Variants in UVRAG observed in about 807,000 individuals in gnomAD.
The protein encoded by UVRAG is UV radiation resistance associated.
A neutral mutation model predicts 78.0 loss-of-function variants in UVRAG; 19 were observed. The observed-to-expected ratio is 0.24, with a 90% CI of 0.17 to 0.36. The LOEUF (loss-of-function observed/expected upper bound fraction) is 0.36, where lower values mean the gene tolerates loss of function less well. Among genes scored for constraint, UVRAG ranks in the 10% least tolerant of loss-of-function variants. The pLI, the probability that UVRAG is intolerant of heterozygous loss-of-function variation, is 1.00. For missense variants in UVRAG, 740 were observed against 853.8 expected, an observed-to-expected ratio of 0.87 and a Z score of 1.66; for synonymous variants, 323 against 324.6, an observed-to-expected ratio of 1.00 and a Z score of 0.05.
chr11:76,115,764 C>T lies in UVRAG; in HGVS notation c.1306-160C>T, dbSNP rs553173534. The T allele has an allele frequency of 6.2e-4, 390 of 629,524 alleles. 5 individuals carry two copies. The South Asian group carries it at 7.2e-3, about 12-fold the overall frequency. 39.0% of individuals were successfully genotyped at this position (629,524 alleles called of 1,614,324 possible). A position where few individuals can be genotyped will look rare whatever the true frequency, so the allele number is the denominator to read the frequency against. ...CTCATACACGTGCTTATCTATATGT[C>T]AAATACCCAGTAAGTGGAAAGTACT... On this transcript the variant is annotated intron_variant, in intron 13 of 14. Coordinates refer to ENST00000356136, the MANE Select transcript of UVRAG (RefSeq NM_003369.4).
chr11:76,039,761 G>A (rs1256659219), intron 12 of UVRAG, among the ~76,000 whole-genome samples: 2 of 152,196 alleles, frequency 1.3e-5, no homozygotes, highest in African/African-American at 4.8e-5. Context: ...TGTAGTCCCA[G>A]CTACTTGGGA....
chr11:76,095,445 T>TA (rs1389720711), intron 13 of UVRAG, among the ~76,000 whole-genome samples: 2 of 151,934 alleles, frequency 1.3e-5, no homozygotes, highest in African/African-American at 2.4e-5. Context: ...ATTAAGCCAT[T>TA]AAAAAAGCAT....
intron 13 of UVRAG, among the ~76,000 whole-genome samples, chr11:76,098,490 T>C (rs1198677062): frequency 6.6e-6 from 1 of 152,196 alleles, no homozygotes; most frequent in Non-Finnish European, 1.5e-5. Context: ...TACCATCTCA[T>C]ATATTTTAAA....
At chr11:75,886,966 AT>A in intron 4 of UVRAG, among the ~76,000 whole-genome samples, 1 of 145,644 alleles carries the variant, frequency 6.9e-6, no homozygotes, top group African/African-American at 2.6e-5. Flanking sequence ...GAGTTCCTTA[AT>A]TTTGTTTTTT....
At chr11:75,994,529 TC>T (rs1218105141) in intron 8 of UVRAG, among the ~76,000 whole-genome samples, 1 of 152,198 alleles carries the variant, frequency 6.6e-6, no homozygotes, top group East Asian at 1.9e-4. Flanking sequence ...CCCACATAAA[TC>T]ACATGAAGTA....
chr11:75,887,219 C>T (rs1166105809), intron 4 of UVRAG, among the ~76,000 whole-genome samples: 2 of 152,094 alleles, frequency 1.3e-5, no homozygotes, highest in African/African-American at 4.8e-5. Flanking sequence ...GCTCTCGGCT[C>T]ACTGCAACTT....
In UVRAG at chr11:75,909,832, G is replaced by A. The variant is rs138715854; in HGVS notation, c.508-2122G>A. 6.6e-5 allele frequency among the ~76,000 whole-genome samples: 10 copies of A among 152,180 alleles called. No individual in the cohort carries two copies. The East Asian group carries it at 1.3e-3, about 21-fold the overall frequency. On this transcript the variant is annotated intron_variant, in intron 5 of 14. Transcript: ENST00000356136. ...GCTAAGGATTTTTGTGTTTCTTTTC[G>A]TGAGGGATATTGGTGTATAATTTCC...
Position 76,143,564 on chromosome 11 carries a change from C to T in UVRAG, c.*2151C>T, listed in dbSNP as rs997041737. On this transcript the variant is annotated 3_prime_UTR_variant, in exon 15 of 15. Coordinates refer to ENST00000356136, the MANE Select transcript of UVRAG (RefSeq NM_003369.4). Reference sequence around the variant, plus strand: ...CTAGGTGCCTACACATTTGCCTCGACCCACACAGCCCCGTGGTGATGCCTC... The same window carrying T: ...CTAGGTGCCTACACATTTGCCTCGATCCACACAGCCCCGTGGTGATGCCTC... Among the ~76,000 whole-genome samples, 2 of 151,872 alleles carry T rather than the reference C, an allele frequency of 1.3e-5. No individual in the cohort carries two copies. The highest frequency in any genetic ancestry group is 2.9e-5 in the Non-Finnish European group (2 of 67,962).
chr11:75,971,151 A>G (rs1427502601), intron 7 of UVRAG, among the ~76,000 whole-genome samples: 1 of 152,194 alleles, frequency 6.6e-6, no homozygotes, highest in Non-Finnish European at 1.5e-5. Flanking sequence ...AGCAATATGC[A>G]TGTACAATTT....
intron 12 of UVRAG, among the ~76,000 whole-genome samples, chr11:76,051,303 T>C (rs1950861931): frequency 6.6e-6 from 1 of 152,152 alleles, no homozygotes; most frequent in African/African-American, 2.4e-5. Flanking sequence ...ACAGGTGCTG[T>C]TAAATCCAGG....
chr11:75,878,253 T>C (rs1472842682), intron 3 of UVRAG, among the ~76,000 whole-genome samples: 2 of 146,588 alleles, frequency 1.4e-5, no homozygotes, highest in African/African-American at 2.6e-5. Flanking sequence ...TCCCCACATC[T>C]CAGACGATGG....
chr11:75,953,345 G>C (rs1948740191), intron 6 of UVRAG, among the ~76,000 whole-genome samples: 1 of 152,036 alleles, frequency 6.6e-6, no homozygotes, highest in Non-Finnish European at 1.5e-5. Flanking sequence ...ATCTTTCCCA[G>C]CTTAAAACTT....
intron 13 of UVRAG, among the ~76,000 whole-genome samples, chr11:76,069,526 A>G (rs1951260736): frequency 6.6e-6 from 1 of 152,234 alleles, no homozygotes; most frequent in Non-Finnish European, 1.5e-5. Flanking sequence ...TCATAAGTAC[A>G]TTATATTAGA....
intron 6 of UVRAG, among the ~76,000 whole-genome samples, chr11:75,919,891 T>C (rs1474144756): frequency 6.6e-6 from 1 of 152,068 alleles, no homozygotes; most frequent in Admixed American, 6.6e-5. Flanking sequence ...TTATGCCATG[T>C]TGGTGCCAAA....
intron 6 of UVRAG, among the ~76,000 whole-genome samples, chr11:75,920,912 C>A (rs953712889): frequency 6.6e-6 from 1 of 152,148 alleles, no homozygotes; most frequent in Non-Finnish European, 1.5e-5. Flanking sequence ...TAATAATAGT[C>A]AGTGGTGAGG....
chr11:75,830,414 C>G (rs1351940247), intron 1 of UVRAG, among the ~76,000 whole-genome samples: 1 of 151,306 alleles, frequency 6.6e-6, no homozygotes, highest in East Asian at 2.0e-4. Flanking sequence ...GGACTACAGG[C>G]GCATGCCACC....
chr11:76,114,365 T>C (rs1250118856), intron 13 of UVRAG, among the ~76,000 whole-genome samples: 2 of 152,200 alleles, frequency 1.3e-5, no homozygotes, highest in Non-Finnish European at 2.9e-5. Flanking sequence ...CCTTCTGCTT[T>C]CTCAAGTATT....
At chr11:75,892,305 G>A (rs1273704895) in intron 5 of UVRAG, 1 of 985,218 alleles carries the variant, frequency 1.0e-6, no homozygotes, top group Non-Finnish European at 1.2e-6. Context: ...GGAGGACACA[G>A]AGAAACTGCA....
chr11:76,070,519 A>T (rs910062702), intron 13 of UVRAG, among the ~76,000 whole-genome samples: 1 of 152,212 alleles, frequency 6.6e-6, no homozygotes, highest in Non-Finnish European at 1.5e-5. Context: ...CACTATGTAT[A>T]TGTATATCAA....
Sources: allele counts gnomAD v4.1 joint callset (sites outside exome capture counted in the v4.1 genomes callset), GRCh38; gene constraint gnomAD v4.1.1; transcripts MANE v1.5; gene names NCBI Gene and HGNC (gene_info 2026-07-23, HGNC 2026-07-21).